OXSR1: variants seen among roughly 807,000 people sequenced by gnomAD.
OXSR1 encodes serine/threonine-protein kinase OSR1.
Under a neutral mutation model 79.8 loss-of-function variants are expected in OXSR1, and 24 were observed. That is an observed-to-expected ratio of 0.30 (90% CI 0.22 to 0.42). The LOEUF (loss-of-function observed/expected upper bound fraction) is 0.42. Among genes scored for constraint, OXSR1 ranks in the 10% least tolerant of loss-of-function variants. The pLI is 1.00. For synonymous variants in OXSR1, 226 were observed against 209.2 expected, an observed-to-expected ratio of 1.08 and a Z score of -0.69; for missense variants, 430 against 618.4, an observed-to-expected ratio of 0.70 and a Z score of 3.23.
At chr3:38,225,246 G>T (rs1458872389) in intron 8 of OXSR1, among the ~76,000 whole-genome samples, 1 of 152,048 alleles carries the variant, frequency 6.6e-6, no homozygotes, top group East Asian at 1.9e-4. Flanking sequence ...AGAATGTTGG[G>T]GATCATTGAG....
At chr3:38,235,598 TACC>T (rs1395784059) in intron 10 of OXSR1, among the ~76,000 whole-genome samples, 3 of 152,126 alleles carry the variant, frequency 2.0e-5, no homozygotes, top group Admixed American at 2.0e-4. Context: ...TGACATACAT[TACC>T]ATGATAAGTC....
At position 38,216,078 on chromosome 3, in the gene OXSR1, T is replaced by G. The variant is rs556764552; in HGVS notation, c.435-18T>G. On this transcript the variant is annotated intron_variant, in intron 4 of 17. Transcript: ENST00000311806. ...AATAGATGTTTTTTGATACATAACTTTTTTTTTTTTTTTAAAGAGATGTGA... is the reference window on the plus strand; with the variant it reads ...AATAGATGTTTTTTGATACATAACTGTTTTTTTTTTTTTAAAGAGATGTGA... The G allele has an allele frequency of 2.1e-5, 27 of 1,283,818 alleles. No individual in the cohort carries two copies. The African/African-American group carries it at 3.8e-4, about 18-fold the overall frequency. 79.5% of individuals were successfully genotyped at this position (1,283,818 alleles called of 1,614,324 possible).
At chr3:38,171,734 A>G (rs995886781) in intron 1 of OXSR1, among the ~76,000 whole-genome samples, 2 of 151,850 alleles carry the variant, frequency 1.3e-5, no homozygotes, top group Admixed American at 6.6e-5. Flanking sequence ...TTCTTTAAGT[A>G]TGATTATGTG....
chr3:38,234,544 A>G (rs147865612), intron 10 of OXSR1, among the ~76,000 whole-genome samples: 23 of 152,382 alleles, frequency 1.5e-4, no homozygotes, highest in African/African-American at 5.0e-4. Context: ...TAACAAAGAG[A>G]TACCACTTCA....
chr3:38,229,543 C>T, intron 8 of OXSR1, 144 bp from the exon 9 acceptor site: 19 of 564,508 alleles, frequency 3.4e-5, no homozygotes, highest in South Asian at 7.9e-5. Flanking sequence ...TTTACTTTTG[C>T]TTTTTAGCAG....
At chr3:38,246,887 C>G (rs995514061) in intron 13 of OXSR1, among the ~76,000 whole-genome samples, 1 of 152,042 alleles carries the variant, frequency 6.6e-6, no homozygotes, top group Non-Finnish European at 1.5e-5. Flanking sequence ...TTTCAACGTC[C>G]ATTTATTAAA....
intron 2 of OXSR1, 28 bp downstream of exon 2, chr3:38,183,143 G>T: frequency 8.3e-7 from 1 of 1,199,846 alleles, no homozygotes; most frequent in Non-Finnish European, 1.2e-6. Flanking sequence ...TTCTGAAATG[G>T]AGAGATATAC....
intron 9 of OXSR1, among the ~76,000 whole-genome samples, chr3:38,230,043 T>A (rs1158507022): frequency 6.6e-6 from 1 of 152,212 alleles, no homozygotes; most frequent in Admixed American, 6.5e-5. Flanking sequence ...TTTGTAAACA[T>A]CTCATTTCCC....
At chr3:38,167,438 C>G (rs906356814) in intron 1 of OXSR1, among the ~76,000 whole-genome samples, 16 of 152,376 alleles carry the variant, frequency 1.1e-4, no homozygotes, top group African/African-American at 3.8e-4. Context: ...GAATTATCTG[C>G]TTTGCCAGCA....
chr3:38,201,905 A>C (rs1481454400), intron 4 of OXSR1, among the ~76,000 whole-genome samples: 1 of 152,290 alleles, frequency 6.6e-6, no homozygotes, highest in South Asian at 2.1e-4. Context: ...TTTGTCTTTT[A>C]GTTTTGCTAA....
chr3:38,232,246 C>A (rs1185974784), intron 10 of OXSR1, among the ~76,000 whole-genome samples: 2 of 151,638 alleles, frequency 1.3e-5, no homozygotes, highest in Admixed American at 1.3e-4. Context: ...ATAGTGAGAC[C>A]CCATATCTAT....
At chr3:38,194,959 C>T (rs1702048080) in intron 3 of OXSR1, among the ~76,000 whole-genome samples, 1 of 152,152 alleles carries the variant, frequency 6.6e-6, no homozygotes, top group South Asian at 2.1e-4. Context: ...ACCCCACCAA[C>T]CAGGTGTACA....
chr3:38,184,131 C>T (rs1701836329), intron 2 of OXSR1, among the ~76,000 whole-genome samples: 1 of 152,038 alleles, frequency 6.6e-6, no homozygotes, highest in Non-Finnish European at 1.5e-5. Flanking sequence ...GTTTTTTTCA[C>T]TGTCCCAAAT....
At chr3:38,197,120 A>G (rs1179309195) in intron 3 of OXSR1, among the ~76,000 whole-genome samples, 2 of 152,248 alleles carry the variant, frequency 1.3e-5, no homozygotes, top group African/African-American at 4.8e-5. Flanking sequence ...ATTAAGCAGA[A>G]CAAACTTCTT....
At chr3:38,180,468 A>G (rs1701761646) in intron 1 of OXSR1, among the ~76,000 whole-genome samples, 2 of 150,808 alleles carry the variant, frequency 1.3e-5, no homozygotes, top group Admixed American at 1.3e-4. Context: ...TAATGCAAAC[A>G]GTGTTTTTAG....
chr3:38,227,000 T>C (rs889792791), intron 8 of OXSR1, among the ~76,000 whole-genome samples: 2 of 152,198 alleles, frequency 1.3e-5, no homozygotes, highest in Admixed American at 1.3e-4. Context: ...GTGAATGGCA[T>C]GTAGGAACTC....
intron 5 of OXSR1, among the ~76,000 whole-genome samples, chr3:38,220,807 G>T (rs1702573653): frequency 6.6e-6 from 1 of 152,162 alleles, no homozygotes; most frequent in Non-Finnish European, 1.5e-5. Context: ...AATCAGGTAT[G>T]CCCAGGGATC....
chr3:38,177,117 T>G (rs1344725614), intron 1 of OXSR1, among the ~76,000 whole-genome samples: 1 of 152,248 alleles, frequency 6.6e-6, no homozygotes, highest in Admixed American at 6.5e-5. Context: ...GTCTGTTATC[T>G]GGGACCAAAG....
rs1575378862 is a variant in OXSR1, at chr3:38,250,197, G to A, written c.1375+179G>A. On this transcript the variant is annotated intron_variant, in intron 15 of 17. Coordinates refer to ENST00000311806, the MANE Select transcript of OXSR1 (RefSeq NM_005109.3). ...GTTCGTTGACTACTAAACACATTTA[G>A]AAAACCTTGTATAATAATACAAACA... The A allele has an allele frequency of 5.2e-6, 3 of 573,170 alleles. No individual in the cohort carries two copies. The East Asian group carries it at 9.0e-5, about 17-fold the overall frequency. The allele number at this position is 573,170 out of a possible 1,614,324, so 35.5% of individuals were successfully genotyped here.
Sources: gnomAD v4.1 joint callset for allele counts (sites outside exome capture counted in the v4.1 genomes callset) on GRCh38, gnomAD v4.1.1 for gene constraint, MANE v1.5 for transcripts, NCBI Gene and HGNC (gene_info 2026-07-23, HGNC 2026-07-21) for gene names.